OTUD3: variants seen among roughly 807,000 people sequenced by gnomAD.
The protein encoded by OTUD3 is OTU domain-containing protein 3.
Under a neutral mutation model 46.2 loss-of-function variants are expected in OTUD3, and 24 were observed. That is an observed-to-expected ratio of 0.52 (90% CI 0.38 to 0.73). OTUD3 has a LOEUF of 0.73. OTUD3 is among the 30% of genes least tolerant of loss of function. OTUD3 has a pLI of 0.00. For synonymous variants in OTUD3, 189 were observed against 195.4 expected (o/e 0.97, Z 0.27); for missense variants, 455 against 523.3 (o/e 0.87, Z 1.27).
At position 19,907,580 on chromosome 1, in the gene OTUD3, A is replaced by G. The variant is rs984516768; in HGVS notation, c.1031A>G (p.Lys344Arg). The change falls in exon 8 of 8, where the codon AAA (lysine) becomes AGA (arginine). Residue 344 changes from lysine (K) to arginine (R), a missense_variant. By Grantham distance (26) the Lys-to-Arg change is conservative. Coordinates refer to ENST00000375120, the MANE Select transcript of OTUD3 (RefSeq NM_015207.2). ...GGCCTTCTCTCTCAGGTCACAAACA[A>G]ACAGAGGCGAGAACAGCAGTGGATG... Reference protein sequence around the residue: ...NKNQLAKVTNKQRREQQWMEK... With the variant: ...NKNQLAKVTNRQRREQQWMEK... 2.5e-6 allele frequency: 4 copies of G among 1,614,020 alleles called. No individual in the cohort carries two copies. Among genetic ancestry groups the G allele is most frequent in the Admixed American group, 1.7e-5 (1 of 60,010 alleles).
intron 1 of OTUD3, among the ~76,000 whole-genome samples, chr1:19,889,915 T>TG (rs1460656910): frequency 1.3e-5 from 2 of 152,212 alleles, no homozygotes; most frequent in African/African-American, 4.8e-5. Flanking sequence ...TGCTATTTTT[T>TG]GGGTACTATT....
In OTUD3 at chr1:19,912,856, G is replaced by A. The variant is rs1343147089; in HGVS notation, c.*5110G>A. ...TTCTTTTTTTGTGTTTTTAATCTTC[G>A]ATACTTGGTGCAATAGAAGCTGCAA... is the stretch of plus-strand genomic sequence containing the variant. On this transcript the variant is annotated 3_prime_UTR_variant, in exon 8 of 8. Coordinates refer to ENST00000375120, the MANE Select transcript of OTUD3 (RefSeq NM_015207.2). 1.3e-5 allele frequency: 2 copies of A among 152,122 alleles called. No individual in the cohort carries two copies. The highest frequency in any genetic ancestry group is 4.8e-5 in the African/African-American group (2 of 41,348). 9.4% of individuals were successfully genotyped at this position (152,122 alleles called of 1,614,324 possible).
intron 2 of OTUD3, 49 bp from the exon 3 acceptor site, chr1:19,894,319 A>G (rs1316166138): frequency 9.6e-7 from 1 of 1,038,772 alleles, no homozygotes. Flanking sequence ...GTTTGCATTT[A>G]GATTTTTCCA....
Position 19,894,459 on chromosome 1 carries a change from A to G in OTUD3, c.462A>G (p.Gln154=). 6.3e-7 allele frequency: 1 copy of G among 1,597,814 alleles called. No homozygotes were observed. Among genetic ancestry groups the G allele is most frequent in the Non-Finnish European group, 8.6e-7 (1 of 1,169,376 alleles). ...ATCAGTTGAATGTAGTGATTCATCA[A>G]CTTAATGCCCCTTTGTGGCAGGTAG... The part of the protein sequence containing the change: ...RNHQLNVVIH[Q]LNAPLWQIRG... Residue 154 remains glutamine, a synonymous_variant, in exon 3 of 8, where the codon CAA becomes CAG. Transcript: ENST00000375120.
At chr1:19,899,470 T>C (rs2045559464) in intron 4 of OTUD3, among the ~76,000 whole-genome samples, 1 of 152,240 alleles carries the variant, frequency 6.6e-6, no homozygotes, top group African/African-American at 2.4e-5. Context: ...TTTTAAAGGC[T>C]GCGTAGTGTT....
intron 2 of OTUD3, among the ~76,000 whole-genome samples, chr1:19,893,708 C>T (rs1557676663): frequency 6.6e-6 from 1 of 152,204 alleles, no homozygotes; most frequent in Non-Finnish European, 1.5e-5. Context: ...AAGTGACCTC[C>T]CAGGAGCCCA....
rs368718080 is a variant in OTUD3 at position 19,904,413 on chromosome 1, C to T, written c.738+15C>T. 6.2e-6 allele frequency: 10 copies of T among 1,601,760 alleles called. No homozygotes were observed. Among genetic ancestry groups the T allele is most frequent in the African/African-American group, 1.3e-5 (1 of 74,216 alleles). Reference sequence around the variant, plus strand: ...CTGGATGTTCAGTTAGTATTTCTGTCTTGCAGGAATGATTTAGAAGCAAGC... The same window carrying T: ...CTGGATGTTCAGTTAGTATTTCTGTTTTGCAGGAATGATTTAGAAGCAAGC... On this transcript the variant is annotated intron_variant, in intron 5 of 7. Coordinates refer to ENST00000375120, the MANE Select transcript of OTUD3 (RefSeq NM_015207.2).
At chr1:19,904,710 G>A (rs538413038) in intron 5 of OTUD3, among the ~76,000 whole-genome samples, 181 bp from the exon 6 acceptor site, 2 of 152,240 alleles carry the variant, frequency 1.3e-5, no homozygotes, top group East Asian at 1.9e-4. Context: ...TACATTAGAC[G>A]GTTATTTCAA....
At chr1:19,897,768 C>T in intron 4 of OTUD3, 106 bp downstream of exon 4, 1 of 1,180,518 alleles carries the variant, frequency 8.5e-7, no homozygotes, top group East Asian at 2.5e-5. Flanking sequence ...AGAAAGTTGG[C>T]ATTGAGAATC....
At chr1:19,896,480 C>T (rs2045520195) in intron 3 of OTUD3, among the ~76,000 whole-genome samples, 1 of 152,004 alleles carries the variant, frequency 6.6e-6, no homozygotes, top group South Asian at 2.1e-4. Context: ...ACAAATGGTG[C>T]TCTCTATTTT....
In OTUD3 at chr1:19,902,278, C is replaced by G. The variant is rs145897113; in HGVS notation, c.607-1989C>G. 4.8e-3 allele frequency among the ~76,000 whole-genome samples: 727 copies of G among 152,266 alleles called. 9 individuals carry two copies. The highest frequency in any genetic ancestry group is 0.017 in the African/African-American group (690 of 41,564). On this transcript the variant is annotated intron_variant, in intron 4 of 7. Transcript: ENST00000375120. Reference sequence around the variant, plus strand: ...GGAGTGCAGCGGCACGATCGTGGCTCACTGGCAAGCTCCGCCTCCCGGGTT... The same window carrying G: ...GGAGTGCAGCGGCACGATCGTGGCTGACTGGCAAGCTCCGCCTCCCGGGTT...
chr1:19,899,139 TCCA>T (rs1352877824), intron 4 of OTUD3, among the ~76,000 whole-genome samples: 2 of 152,176 alleles, frequency 1.3e-5, no homozygotes, highest in Non-Finnish European at 2.9e-5. Flanking sequence ...GTCATATTTG[TCCA>T]TGGATTAGAA....
chr1:19,882,505 G>T lies in OTUD3; in HGVS notation c.-9G>T. The T allele has an allele frequency of 1.5e-6, 2 of 1,358,626 alleles. No individual in the cohort carries two copies. The highest frequency in any genetic ancestry group is 1.8e-5 in the South Asian group (1 of 54,222). 84.2% of individuals were successfully genotyped at this position (1,358,626 alleles called of 1,614,324 possible). On this transcript the variant is annotated 5_prime_UTR_variant, in exon 1 of 8. Coordinates refer to ENST00000375120, the MANE Select transcript of OTUD3 (RefSeq NM_015207.2). The stretch of plus-strand genomic sequence containing the variant: ...TCCCTCCTGCCGCTGGGGACTGCAG[G>T]CTAAGGCCATGTCCCGAAAGCAGGC...
rs189961039 is a variant in OTUD3 at position 19,894,103 on chromosome 1, T to A, written c.371-265T>A. 3.7e-4 allele frequency among the ~76,000 whole-genome samples: 57 copies of A among 152,366 alleles called. 1 individual carries two copies. The East Asian group carries it at 0.011, about 28-fold the overall frequency. On this transcript the variant is annotated intron_variant, in intron 2 of 7. Transcript: ENST00000375120. Reference sequence around the variant, plus strand: ...ATTGTTATGTTTCTAGTGCCTTTTATTGAGTTAGTATATTGGAAGTAATCA... The same window carrying A: ...ATTGTTATGTTTCTAGTGCCTTTTAATGAGTTAGTATATTGGAAGTAATCA...
intron 3 of OTUD3, among the ~76,000 whole-genome samples, chr1:19,896,733 A>G (rs983944952): frequency 5.3e-5 from 8 of 152,232 alleles, no homozygotes; most frequent in African/African-American, 1.9e-4. Context: ...TCTAAGGGAC[A>G]AAGTTAGAAT....
At chr1:19,902,461 T>C (rs2100307126) in intron 4 of OTUD3, among the ~76,000 whole-genome samples, 1 of 152,294 alleles carries the variant, frequency 6.6e-6, no homozygotes, top group African/African-American at 2.4e-5. Flanking sequence ...CACCTCGGCC[T>C]CCCAAAGTGC....
rs904106034 is a variant in OTUD3 at position 19,887,412 on chromosome 1, C to T, written c.222-2973C>T. On this transcript the variant is annotated intron_variant, in intron 1 of 7. Transcript: ENST00000375120. The stretch of plus-strand genomic sequence containing the variant: ...GATCTCTCATATTTTCTTATATGAC[C>T]GCTTCAGAATCTAGTATTTTACACT... 1.1e-4 allele frequency among the ~76,000 whole-genome samples: 16 copies of T among 152,216 alleles called. 1 individual carries two copies. Among genetic ancestry groups the T allele is most frequent in the Middle Eastern group, 3.4e-3 (1 of 294 alleles).
In OTUD3 at chr1:19,882,579, C is replaced by T; in HGVS notation, c.66C>T (p.Arg22=). ...GCAGCCGGAAAGCCGAGGCCGAGCG[C>T]AAGCGGGACGAGCGGGCGGCGCGCC... is the stretch of plus-strand genomic sequence containing the variant. ...GSGSRKAEAE[R]KRDERAARRA... The change falls in exon 1 of 8, where the codon CGC becomes CGT. Residue 22 remains arginine, a synonymous_variant. Coordinates refer to ENST00000375120, the MANE Select transcript of OTUD3 (RefSeq NM_015207.2). 1 of 1,403,928 alleles carries T rather than the reference C, an allele frequency of 7.1e-7. No individual in the cohort carries two copies. The allele number at this position is 1,403,928 out of a possible 1,614,324, so 87.0% of individuals were successfully genotyped here.
intron 2 of OTUD3, among the ~76,000 whole-genome samples, chr1:19,890,743 A>T (rs1416559298): frequency 6.6e-6 from 1 of 152,206 alleles, no homozygotes; most frequent in African/African-American, 2.4e-5. Context: ...CTTAATAAAC[A>T]TGATGGTATT....
Sources: gnomAD v4.1 joint callset for allele counts (sites outside exome capture counted in the v4.1 genomes callset) on GRCh38, gnomAD v4.1.1 for gene constraint, MANE v1.5 for transcripts, NCBI Gene and HGNC (gene_info 2026-07-23, HGNC 2026-07-21) for gene names.